The following VPS13C variants were observed in gnomAD, a reference collection of about 807,000 sequenced individuals.
VPS13C encodes the protein intermembrane lipid transfer protein VPS13C.
Under a neutral mutation model 456.8 loss-of-function variants are expected in VPS13C, and 358 were observed. That is an observed-to-expected ratio of 0.78 (90% CI 0.72 to 0.86). VPS13C has a LOEUF of 0.86. Ranked by LOEUF, VPS13C falls within the 40% of genes least tolerant of loss-of-function variation. The pLI is 0.00. For synonymous variants in VPS13C, 1,578 were observed against 1,486.7 expected, an observed-to-expected ratio of 1.06 and a Z score of -1.41; for missense variants, 4,818 against 4,385.4, an observed-to-expected ratio of 1.10 and a Z score of -2.79.
chr15:61,996,632 A>G (rs1285654834), intron 16 of VPS13C, among the ~76,000 whole-genome samples: 3 of 152,132 alleles, frequency 2.0e-5, no homozygotes, highest in Admixed American at 2.0e-4. Flanking sequence ...ATTACTAAAA[A>G]GATTGGAATC....
chr15:62,025,594 A>G (rs1198683962), intron 6 of VPS13C, among the ~76,000 whole-genome samples: 10 of 152,118 alleles, frequency 6.6e-5, no homozygotes, highest in Admixed American at 1.3e-4. Flanking sequence ...TTCTGGTTTC[A>G]TATTTGTTCT....
intron 5 of VPS13C, among the ~76,000 whole-genome samples, chr15:62,032,432 A>G (rs564051387): frequency 1.3e-5 from 2 of 151,898 alleles, no homozygotes; most frequent in East Asian, 3.9e-4. Flanking sequence ...GCTTCTAGAA[A>G]ATTTCTTCCA....
rs574173590 is a variant in VPS13C at position 61,941,325 on chromosome 15, C to A, written c.5453+438G>T. 5.2e-4 allele frequency among the ~76,000 whole-genome samples: 79 copies of A among 152,268 alleles called. 1 individual carries two copies. Among genetic ancestry groups the A allele is most frequent in the African/African-American group, 1.8e-3 (74 of 41,570 alleles). ...TGTCACTCAATAGAGCCAACACTGT[C>A]CCATTTCGATTCACTAATCCTTTCG... On this transcript the variant is annotated intron_variant, in intron 46 of 84. Transcript: ENST00000644861.
At chr15:61,861,348 T>C (rs1311724995) in intron 82 of VPS13C, among the ~76,000 whole-genome samples, 1 of 152,176 alleles carries the variant, frequency 6.6e-6, no homozygotes, top group African/African-American at 2.4e-5. Flanking sequence ...TTTTAATATA[T>C]AAAATTTTAC....
rs1243612491 is a variant in VPS13C at position 61,917,514 on chromosome 15, G to T, written c.7882C>A (p.Pro2628Thr). The T allele has an allele frequency of 6.2e-7, 1 of 1,613,890 alleles. No homozygotes were observed. Among genetic ancestry groups the T allele is most frequent in the African/African-American group, 1.3e-5 (1 of 74,920 alleles). ...SREVRCMLQC[P>T]SVEVSFLPLI... ...GGTAAGAAGCTGACTTCTACTGATG[G>T]ACACTGCAACATGCATCTGACTTCC... Residue 2628 changes from proline (P) to threonine (T), a missense_variant, in exon 60 of 85, where the codon CCA (proline) becomes ACA (threonine). Pro to Thr is a conservative substitution (Grantham distance 38, BLOSUM62 -1). Transcript: ENST00000644861.
At chr15:61,887,936 T>C (rs1896386934) in intron 67 of VPS13C, among the ~76,000 whole-genome samples, 1 of 152,094 alleles carries the variant, frequency 6.6e-6, no homozygotes. Flanking sequence ...GAAAAAGTAT[T>C]TGCAAAACAC....
chr15:61,940,607 C>A, intron 47 of VPS13C, 40 bp downstream of exon 47: 1 of 1,578,870 alleles, frequency 6.3e-7, no homozygotes, highest in Non-Finnish European at 8.6e-7. Context: ...CGAGAAAAGC[C>A]TATCAAGAAA....
intron 38 of VPS13C, among the ~76,000 whole-genome samples, chr15:61,952,480 T>C (rs1179439675): frequency 6.6e-6 from 1 of 152,118 alleles, no homozygotes; most frequent in Non-Finnish European, 1.5e-5. Flanking sequence ...CAAAGAATAT[T>C]TAAAAGGTCT....
At chr15:61,886,331 C>G (rs1896268156) in intron 67 of VPS13C, among the ~76,000 whole-genome samples, 1 of 152,094 alleles carries the variant, frequency 6.6e-6, no homozygotes, top group Admixed American at 6.6e-5. Flanking sequence ...GGAAACTATA[C>G]TGTCAACATA....
intron 1 of VPS13C, 21 bp from the exon 2 acceptor site, chr15:62,044,276 G>T: frequency 7.1e-7 from 1 of 1,403,914 alleles, no homozygotes; most frequent in East Asian, 2.4e-5. Context: ...AGAAAACAAA[G>T]AAAAATATTA....
At chr15:61,963,278 C>A (rs2045272214) in intron 32 of VPS13C, among the ~76,000 whole-genome samples, 1 of 151,950 alleles carries the variant, frequency 6.6e-6, no homozygotes, top group Non-Finnish European at 1.5e-5. Flanking sequence ...TAAACATATT[C>A]AACATATTCT....
intron 15 of VPS13C, among the ~76,000 whole-genome samples, chr15:62,003,712 G>C (rs941287494): frequency 1.1e-4 from 16 of 151,922 alleles, no homozygotes; most frequent in African/African-American, 3.6e-4. Flanking sequence ...CTAATCTATT[G>C]AGAGTTTTTA....
At chr15:61,872,058 G>C (rs1244810025) in intron 78 of VPS13C, 24 bp from the exon 79 acceptor site, 1 of 1,606,894 alleles carries the variant, frequency 6.2e-7, no homozygotes, top group Non-Finnish European at 8.5e-7. Context: ...CAATCATATA[G>C]TTTAGACTGA....
intron 28 of VPS13C, 48 bp downstream of exon 28, chr15:61,969,251 A>C: frequency 1.5e-6 from 2 of 1,357,298 alleles, no homozygotes; most frequent in Non-Finnish European, 2.0e-6. Context: ...GATACTCAAA[A>C]GTCCTATCTT....
At chr15:61,957,804 T>A (rs2045057358) in intron 37 of VPS13C, among the ~76,000 whole-genome samples, 1 of 152,100 alleles carries the variant, frequency 6.6e-6, no homozygotes, top group Non-Finnish European at 1.5e-5. Flanking sequence ...ACCAAAAATG[T>A]CTAGTGCTAG....
At chr15:61,934,945 G>A (rs1411336045) in intron 48 of VPS13C, among the ~76,000 whole-genome samples, 3 of 151,962 alleles carry the variant, frequency 2.0e-5, no homozygotes, top group Non-Finnish European at 4.4e-5. Context: ...TAGAGATGGG[G>A]TTTCACCATG....
intron 66 of VPS13C, among the ~76,000 whole-genome samples, chr15:61,892,452 G>A (rs2042680996): frequency 6.6e-6 from 1 of 152,164 alleles, no homozygotes. Context: ...TGCTGAATAG[G>A]AGGCAGTGAT....
At chr15:61,927,548 T>TTC (rs1353603186) in intron 51 of VPS13C, among the ~76,000 whole-genome samples, 1 of 152,210 alleles carries the variant, frequency 6.6e-6, no homozygotes, top group African/African-American at 2.4e-5. Context: ...CCATTACCAC[T>TTC]TTGACCTAGC....
intron 61 of VPS13C, among the ~76,000 whole-genome samples, chr15:61,914,386 T>A (rs2043397428): frequency 6.6e-6 from 1 of 151,808 alleles, no homozygotes; most frequent in Non-Finnish European, 1.5e-5. Context: ...CTGGCCAACA[T>A]GGTGAAATCC....
Sources: allele counts gnomAD v4.1 joint callset (sites outside exome capture counted in the v4.1 genomes callset), GRCh38; gene constraint gnomAD v4.1.1; transcripts MANE v1.5; gene names NCBI Gene and HGNC (gene_info 2026-07-23, HGNC 2026-07-21).